CEP63: variants seen among roughly 807,000 people sequenced by gnomAD.
CEP63 encodes centrosomal protein of 63 kDa.
In CEP63, 84 loss-of-function variants were observed where a neutral mutation model predicts 89.1. That is an observed-to-expected ratio of 0.94 (90% CI 0.79 to 1.13). The LOEUF (loss-of-function observed/expected upper bound fraction) is 1.13, where lower values mean the gene tolerates loss of function less well. CEP63 is among the 50% of genes most tolerant of loss of function. CEP63 has a pLI of 0.00. For synonymous variants in CEP63, 267 were observed against 272.5 expected (o/e 0.98, Z 0.20); for missense variants, 838 against 813.3 (o/e 1.03, Z -0.37).
the CEP63 span, among the ~76,000 whole-genome samples, chr3:134,699,973 G>GAGAT: frequency 6.6e-6 from 1 of 152,244 alleles, no homozygotes; most frequent in Non-Finnish European, 1.5e-5. Context: ...GTGAGGCCAT[G>GAGAT]AGATGCCAAG....
chr3:134,581,999 T>C (rs1030620840), intron 10 of CEP63, among the ~76,000 whole-genome samples: 4 of 151,630 alleles, frequency 2.6e-5, no homozygotes, highest in Non-Finnish European at 4.4e-5. Flanking sequence ...AAACCAGAAA[T>C]AGAAATAGCA....
the CEP63 span, among the ~76,000 whole-genome samples, chr3:134,597,383 A>T: frequency 6.6e-6 from 1 of 152,162 alleles, no homozygotes; most frequent in Non-Finnish European, 1.5e-5. Flanking sequence ...TGATTGCTGG[A>T]TCCCAGATGG....
chr3:134,701,655 G>T, the CEP63 span, among the ~76,000 whole-genome samples: 1 of 151,890 alleles, frequency 6.6e-6, no homozygotes, highest in Non-Finnish European at 1.5e-5. Context: ...CATTCCCCTT[G>T]AAAAATGGCA....
chr3:134,736,601 A>C, the CEP63 span, among the ~76,000 whole-genome samples: 1 of 152,200 alleles, frequency 6.6e-6, no homozygotes, highest in Non-Finnish European at 1.5e-5. Context: ...AAATCTAAGA[A>C]CAAGTGTTTG....
In CEP63 at chr3:134,561,749, A is replaced by C. The variant is rs563603999; in HGVS notation, c.*214A>C. ...ACTTCTTCCAGCAATAAGTTGAAAG[A>C]ATAAACCACTTTGCTAGACTTTTTT... is the stretch of plus-strand genomic sequence containing the variant. On this transcript the variant is annotated 3_prime_UTR_variant, in exon 15 of 15. Transcript: ENST00000675561. 7.3e-7 allele frequency: 1 copy of C among 1,376,744 alleles called. No individual in the cohort carries two copies. 85.3% of individuals were successfully genotyped at this position (1,376,744 alleles called of 1,614,324 possible).
At chr3:134,711,117 C>T in the CEP63 span, among the ~76,000 whole-genome samples, 4 of 152,074 alleles carry the variant, frequency 2.6e-5, no homozygotes, top group South Asian at 6.2e-4. Flanking sequence ...TTTTATTTCA[C>T]CAAATTTGAT....
At chr3:134,519,762 T>A (rs774575068) in intron 3 of CEP63, among the ~76,000 whole-genome samples, 1 of 152,214 alleles carries the variant, frequency 6.6e-6, no homozygotes, top group Non-Finnish European at 1.5e-5. Context: ...TTTATTCTAG[T>A]CATTCTGGGT....
the CEP63 span, among the ~76,000 whole-genome samples, chr3:134,774,790 T>G: frequency 6.6e-6 from 1 of 152,142 alleles, no homozygotes; most frequent in Non-Finnish European, 1.5e-5. Context: ...GGGGCTAGAA[T>G]TGAGAATTCA....
At chr3:134,671,029 A>C in the CEP63 span, among the ~76,000 whole-genome samples, 1 of 152,230 alleles carries the variant, frequency 6.6e-6, no homozygotes, top group Admixed American at 6.5e-5. Context: ...AATAGAATGC[A>C]CCACAACTTC....
intron 11 of CEP63, among the ~76,000 whole-genome samples, chr3:134,550,578 G>A (rs1474359310): frequency 6.6e-6 from 1 of 152,168 alleles, no homozygotes; most frequent in Non-Finnish European, 1.5e-5. Context: ...GCTGGGTGAT[G>A]GGGAGGAAAA....
At chr3:134,535,850 G>A (rs892125445) in intron 5 of CEP63, 1 of 152,146 alleles carries the variant, frequency 6.6e-6, no homozygotes, top group Admixed American at 6.5e-5. Context: ...TGTAATGTAA[G>A]TCAAATTATA....
At chr3:134,742,301 T>C in the CEP63 span, among the ~76,000 whole-genome samples, 3 of 152,180 alleles carry the variant, frequency 2.0e-5, no homozygotes, top group African/African-American at 7.2e-5. Context: ...TCCTTCCCAC[T>C]AAAGCACAGA....
the CEP63 span, among the ~76,000 whole-genome samples, chr3:134,668,215 G>A: frequency 1.8e-3 from 271 of 152,294 alleles, no homozygotes; most frequent in Admixed American, 2.7e-3. Context: ...GGGTTGGTCT[G>A]GGGGCTACAC....
chr3:134,542,430 G>T (rs903595706), intron 6 of CEP63, among the ~76,000 whole-genome samples: 2 of 152,168 alleles, frequency 1.3e-5, no homozygotes, highest in African/African-American at 2.4e-5. Context: ...CTTACTAGGA[G>T]CTGTGTTGTT....
intron 11 of CEP63, 135 bp from the exon 12 acceptor site, chr3:134,551,791 A>G (rs1954917994): frequency 4.8e-6 from 1 of 208,414 alleles, no homozygotes; most frequent in East Asian, 1.2e-4. Context: ...GTATATATAT[A>G]TATAAATATG....
the CEP63 span, among the ~76,000 whole-genome samples, chr3:134,666,254 C>T: frequency 6.6e-6 from 1 of 152,178 alleles, no homozygotes; most frequent in Non-Finnish European, 1.5e-5. Flanking sequence ...GCCCAGGGTC[C>T]TGACAGTGGT....
chr3:134,688,444 T>C, the CEP63 span, among the ~76,000 whole-genome samples: 1 of 152,336 alleles, frequency 6.6e-6, no homozygotes, highest in East Asian at 1.9e-4. Flanking sequence ...TAAGATTAGA[T>C]TGTGGTGACG....
rs116408371 is a variant in CEP63 at position 134,529,672 on chromosome 3, C to A, written c.223-2173C>A. On this transcript the variant is annotated intron_variant, in intron 3 of 14. Coordinates refer to ENST00000675561, the MANE Select transcript of CEP63 (RefSeq NM_001353108.3). ...AATTCTTAACATCTACATTTATTTT[C>A]TTCTTTTCCTTTTTTGTAGAGAAAG... 6.1e-3 allele frequency among the ~76,000 whole-genome samples: 930 copies of A among 151,254 alleles called. 5 individuals are homozygous for A. The highest frequency in any genetic ancestry group is 9.7e-3 in the Non-Finnish European group (657 of 67,790).
intron 11 of CEP63, among the ~76,000 whole-genome samples, chr3:134,574,009 C>G (rs1958124703): frequency 6.6e-6 from 1 of 152,174 alleles, no homozygotes; most frequent in South Asian, 2.1e-4. Context: ...AACAAGCACA[C>G]TACAGTCTCT....
Sources: gnomAD v4.1 joint callset for allele counts (sites outside exome capture counted in the v4.1 genomes callset) on GRCh38, gnomAD v4.1.1 for gene constraint, MANE v1.5 for transcripts, NCBI Gene and HGNC (gene_info 2026-07-23, HGNC 2026-07-21) for gene names.